The following ARFGEF1 variants were observed in gnomAD, a reference collection of about 807,000 sequenced individuals.
ARFGEF1 encodes brefeldin A-inhibited guanine nucleotide-exchange protein 1.
ARFGEF1 carries 42 observed loss-of-function variants against 231.0 expected under a neutral mutation model. That is an observed-to-expected ratio of 0.18 (90% confidence interval 0.14 to 0.24). The LOEUF (loss-of-function observed/expected upper bound fraction) is 0.24, where lower values mean the gene tolerates loss of function less well. Ranked by LOEUF, ARFGEF1 falls within the 10% of genes least tolerant of loss-of-function variation. ARFGEF1 has a pLI of 1.00. For missense variants in ARFGEF1, 1,345 were observed against 2,192.0 expected (o/e 0.61, Z 7.72); for synonymous variants, 710 against 732.3 (o/e 0.97, Z 0.49).
chr8:67,251,434 T>C lies in ARFGEF1; in HGVS notation c.2715A>G (p.Lys905=). 6.2e-7 allele frequency: 1 copy of C among 1,605,900 alleles called. No individual in the cohort carries two copies. Among genetic ancestry groups the C allele is most frequent in the Non-Finnish European group, 8.5e-7 (1 of 1,176,126 alleles). ...CTAAGTTATACAGAAGTCTTCTTTG[T>C]TTTTCACTGGCTACATCTGAAACAA... ...KSSKQNVASE[K]QRRLLYNLEM... Residue 905 remains lysine, a synonymous_variant, in exon 19 of 39, where the codon AAA becomes AAG. Transcript: ENST00000262215.
chr8:67,315,620 C>G (rs189614251), intron 1 of ARFGEF1, among the ~76,000 whole-genome samples: 1 of 152,184 alleles, frequency 6.6e-6, no homozygotes, highest in African/African-American at 2.4e-5. Flanking sequence ...ACTCCACAGG[C>G]AGAGCAGCCC....
chr8:67,208,876 T>C (rs924861009), intron 34 of ARFGEF1, among the ~76,000 whole-genome samples: 2 of 152,162 alleles, frequency 1.3e-5, no homozygotes, highest in Non-Finnish European at 2.9e-5. Context: ...ATTATGGAAG[T>C]GCCAGTCAAA....
At chr8:67,203,901 G>C (rs796462144) in intron 35 of ARFGEF1, among the ~76,000 whole-genome samples, 1 of 152,082 alleles carries the variant, frequency 6.6e-6, no homozygotes, top group Non-Finnish European at 1.5e-5. Context: ...CGCCACATGG[G>C]AACTGTCTGG....
chr8:67,313,174 TC>T (rs1807150290), intron 1 of ARFGEF1, among the ~76,000 whole-genome samples: 1 of 152,158 alleles, frequency 6.6e-6, no homozygotes, highest in East Asian at 1.9e-4. Context: ...GCCAGGAAGA[TC>T]ACTTGAGCCC....
intron 22 of ARFGEF1, among the ~76,000 whole-genome samples, chr8:67,235,060 G>GTTC (rs1839675238): frequency 6.8e-6 from 1 of 146,872 alleles, no homozygotes; most frequent in Non-Finnish European, 1.5e-5. Flanking sequence ...GAAAAAATAT[G>GTTC]TGTATGTGTG....
At chr8:67,191,532 CTGTA>C (rs899937219) in intron 5 of ARFGEF1, among the ~76,000 whole-genome samples, 1 of 152,212 alleles carries the variant, frequency 6.6e-6, no homozygotes, top group African/African-American at 2.4e-5. Flanking sequence ...AGATCATACA[CTGTA>C]TGATTATTTG....
intron 7 of ARFGEF1, among the ~76,000 whole-genome samples, chr8:67,285,804 C>T (rs920842644): frequency 1.3e-5 from 2 of 152,074 alleles, no homozygotes; most frequent in Non-Finnish European, 2.9e-5. Flanking sequence ...TCAATCTACT[C>T]ATATAGGATG....
In ARFGEF1 at chr8:67,258,452, G is replaced by A. The variant is rs145254374; in HGVS notation, c.2236-162C>T. On this transcript the variant is annotated intron_variant, in intron 15 of 38. Coordinates refer to ENST00000262215, the MANE Select transcript of ARFGEF1 (RefSeq NM_006421.5). ...CGATTCTCCTGCCTCGGCCTCCCGA[G>A]TAGCTGGGATTAAAGGCGCCTGCTA... Among the ~76,000 whole-genome samples, 846 of 152,052 alleles carry A rather than the reference G, an allele frequency of 5.6e-3. 4 individuals are homozygous for A. Among genetic ancestry groups the A allele is most frequent in the Non-Finnish European group, 8.2e-3 (555 of 68,000 alleles).
At chr8:67,188,134 T>C (rs189369669) in intron 5 of ARFGEF1, among the ~76,000 whole-genome samples, 1 of 152,334 alleles carries the variant, frequency 6.6e-6, no homozygotes, top group East Asian at 1.9e-4. Context: ...GCAAAAGACA[T>C]GTCAGATAAA....
intron 5 of ARFGEF1, among the ~76,000 whole-genome samples, chr8:67,189,905 A>C (rs186530735): frequency 1.3e-5 from 2 of 152,294 alleles, no homozygotes; most frequent in Non-Finnish European, 2.9e-5. Context: ...GTCCATGTCA[A>C]ATTAGCTACC....
chr8:67,244,242 CAAAAAAAAAA>C lies in ARFGEF1; in HGVS notation c.2851-3962_2851-3953del, dbSNP rs34333039. Among the ~76,000 whole-genome samples, 47 of 20,096 alleles carry C rather than the reference CAAAAAAAAAA, an allele frequency of 2.3e-3. 2 individuals are homozygous for C. Among genetic ancestry groups the C allele is most frequent in the African/African-American group, 6.2e-3 (43 of 6,892 alleles). The allele number at this position is 20,096 out of a possible 152,430, so 13.2% of individuals were successfully genotyped here. On this transcript the variant is annotated intron_variant, in intron 19 of 38. Transcript: ENST00000262215. ...TGGGCGACAAAGCGAGACTCCACCT[CAAAAAAAAAA>C]AAAAAAAAAAAAAAAACATTCGACT... is the stretch of plus-strand genomic sequence containing the variant.
chr8:67,194,179 C>G (rs1009235888), downstream of ARFGEF1, among the ~76,000 whole-genome samples: 1 of 152,188 alleles, frequency 6.6e-6, no homozygotes, highest in Admixed American at 6.5e-5. Context: ...CTACACCACC[C>G]TTTTCTATAC....
chr8:67,218,207 A>ATATAT lies in ARFGEF1; in HGVS notation c.4339-70_4339-69insATATA, dbSNP rs1554636014. The ATATAT allele has an allele frequency of 7.4e-3, 671 of 91,250 alleles. 3 individuals are homozygous for ATATAT. Among genetic ancestry groups the ATATAT allele is most frequent in the East Asian group, 0.022 (70 of 3,254 alleles). 5.7% of individuals were successfully genotyped at this position (91,250 alleles called of 1,614,324 possible). ...TACTATGATTAAAAAAAAAAAAAAA[A>ATATAT]ATATATATATATATATATATATATA... On this transcript the variant is annotated intron_variant, in intron 30 of 38. Transcript: ENST00000262215.
At chr8:67,255,972 T>C (rs1469648230) in intron 17 of ARFGEF1, among the ~76,000 whole-genome samples, 1 of 152,250 alleles carries the variant, frequency 6.6e-6, no homozygotes, top group Non-Finnish European at 1.5e-5. Flanking sequence ...TGTACATATG[T>C]ATAGGAAGAC....
At chr8:67,274,114 C>CAACT (rs1337280804) in intron 9 of ARFGEF1, among the ~76,000 whole-genome samples, 1 of 152,054 alleles carries the variant, frequency 6.6e-6, no homozygotes, top group Non-Finnish European at 1.5e-5. Context: ...AATGATTAGA[C>CAACT]AACTGTCTTA....
At chr8:67,300,839 G>A (rs1036455241) in intron 3 of ARFGEF1, among the ~76,000 whole-genome samples, 3 of 149,654 alleles carry the variant, frequency 2.0e-5, no homozygotes, top group Non-Finnish European at 4.4e-5. Context: ...GCAAGACTTC[G>A]TCTCAAAAAA....
At chr8:67,292,809 A>T (rs549114270) in intron 5 of ARFGEF1, among the ~76,000 whole-genome samples, 105 of 152,238 alleles carry the variant, frequency 6.9e-4, no homozygotes, top group Middle Eastern at 3.4e-3. Context: ...TTGCTTTCAC[A>T]CATCTCTTTT....
At chr8:67,195,314 A>C (rs950791497), downstream of ARFGEF1, 1 of 919,938 alleles carries the variant, frequency 1.1e-6, no homozygotes, top group African/African-American at 1.6e-5. Context: ...GGACTACAAG[A>C]GACCTGCGCT....
At position 67,197,893 on chromosome 8, in the gene ARFGEF1, T is replaced by A; in HGVS notation, c.*1041A>T. ...ATCAGAGCACAATTCACAGTATGAA[T>A]ACATTTCCAGTAAATCTAACCTCCG... On this transcript the variant is annotated 3_prime_UTR_variant, in exon 39 of 39. Transcript: ENST00000262215. 1 of 985,902 alleles carries A rather than the reference T, an allele frequency of 1.0e-6. No homozygotes were observed. Among genetic ancestry groups the A allele is most frequent in the Non-Finnish European group, 1.2e-6 (1 of 829,932 alleles). The allele number at this position is 985,902 out of a possible 1,614,324, so 61.1% of individuals were successfully genotyped here.
Sources: allele counts gnomAD v4.1 joint callset (sites outside exome capture counted in the v4.1 genomes callset), GRCh38; gene constraint gnomAD v4.1.1; transcripts MANE v1.5; gene names NCBI Gene and HGNC (gene_info 2026-07-23, HGNC 2026-07-21).